Variants in HPSE2 observed in about 807,000 individuals in gnomAD.
The protein encoded by HPSE2 is inactive heparanase-2.
A neutral mutation model predicts 60.5 loss-of-function variants in HPSE2; 38 were observed. That is an observed-to-expected ratio of 0.63 (90% CI 0.48 to 0.82). HPSE2 has a LOEUF of 0.82. HPSE2 is among the 40% of genes least tolerant of loss of function. The pLI, the probability that HPSE2 is intolerant of heterozygous loss-of-function variation, is 0.00. For synonymous variants in HPSE2, 295 were observed against 293.2 expected (o/e 1.01, Z -0.06); for missense variants, 713 against 740.4 (o/e 0.96, Z 0.43).
intron 3 of HPSE2, among the ~76,000 whole-genome samples, chr10:98,789,617 G>A (rs1168832662): frequency 1.3e-5 from 2 of 152,178 alleles, no homozygotes; most frequent in Non-Finnish European, 2.9e-5. Flanking sequence ...GGGCTGTCTT[G>A]AGTAGGGCTG....
At chr10:99,132,216 AG>A (rs1845453432) in intron 3 of HPSE2, among the ~76,000 whole-genome samples, 19 of 29,318 alleles carry the variant, frequency 6.5e-4, no homozygotes, top group South Asian at 2.1e-3. Context: ...AGAGAGAGAG[AG>A]AGAGAGAGAG....
chr10:98,486,076 G>T (rs565379611), intron 10 of HPSE2, among the ~76,000 whole-genome samples: 5 of 152,176 alleles, frequency 3.3e-5, no homozygotes, highest in African/African-American at 1.2e-4. Context: ...AACTCATAGC[G>T]CCTTCTCAGG....
In HPSE2 at chr10:98,944,070, C is replaced by CAGAGAGGGAGCAGCTAGAG. The variant is rs1317289545; in HGVS notation, c.611-200033_611-200015dup. Among the ~76,000 whole-genome samples the CAGAGAGGGAGCAGCTAGAG allele has an allele frequency of 2.0e-5, 3 of 152,200 alleles. No individual in the cohort carries two copies. The East Asian group carries it at 5.8e-4, about 29-fold the overall frequency. The stretch of plus-strand genomic sequence containing the variant: ...GGGATAGGGTTGAGGACCAAAATCC[C>CAGAGAGGGAGCAGCTAGAG]AGAGAGGGAGCAGCTAGAGGTACAG... On this transcript the variant is annotated intron_variant, in intron 3 of 11. Transcript: ENST00000370552.
intron 3 of HPSE2, among the ~76,000 whole-genome samples, chr10:98,833,005 T>G (rs1951717641): frequency 6.6e-6 from 1 of 152,210 alleles, no homozygotes; most frequent in African/African-American, 2.4e-5. Context: ...TGTGTGTTCC[T>G]AAGTGGGATG....
At position 98,626,922 on chromosome 10, in the gene HPSE2, C is replaced by T. The variant is rs190011944; in HGVS notation, c.1099-6214G>A. On this transcript the variant is annotated intron_variant, in intron 7 of 11. Transcript: ENST00000370552. ...CTGAGTAGCTGAGACTACAGGTGCC[C>T]ACCACCACGCCCAGCTAATTTTTTG... Among the ~76,000 whole-genome samples, 339 of 152,194 alleles carry T rather than the reference C, an allele frequency of 2.2e-3. 5 individuals carry two copies. In the Middle Eastern group the frequency reaches 0.031, roughly 14 times the overall value.
At chr10:99,227,804 T>C (rs1018150029) in intron 2 of HPSE2, among the ~76,000 whole-genome samples, 2 of 149,472 alleles carry the variant, frequency 1.3e-5, no homozygotes, top group African/African-American at 2.4e-5. Flanking sequence ...AGGTAAAATA[T>C]ATATATATAT....
intron 2 of HPSE2, among the ~76,000 whole-genome samples, chr10:99,152,869 A>T (rs1459836984): frequency 2.6e-5 from 4 of 152,190 alleles, no homozygotes; most frequent in Non-Finnish European, 5.9e-5. Context: ...AGTGCCAGAC[A>T]GTGGGCGCGG....
chr10:99,204,232 A>G (rs915244625), intron 2 of HPSE2, among the ~76,000 whole-genome samples: 4 of 152,210 alleles, frequency 2.6e-5, no homozygotes, highest in African/African-American at 9.6e-5. Flanking sequence ...CCCAAACAAC[A>G]GACCCACCCC....
chr10:99,139,040 G>A (rs1326551701), intron 3 of HPSE2, among the ~76,000 whole-genome samples: 1 of 151,970 alleles, frequency 6.6e-6, no homozygotes, highest in Admixed American at 6.6e-5. Context: ...CCACCCTAAG[G>A]GCCCATCAAT....
At chr10:99,043,379 G>A (rs1232290792) in intron 3 of HPSE2, among the ~76,000 whole-genome samples, 2 of 152,172 alleles carry the variant, frequency 1.3e-5, no homozygotes, top group Non-Finnish European at 2.9e-5. Flanking sequence ...AGCTACTAGG[G>A]AGGCTGAGGC....
At chr10:98,755,446 C>T (rs1949855929) in intron 3 of HPSE2, among the ~76,000 whole-genome samples, 1 of 152,084 alleles carries the variant, frequency 6.6e-6, no homozygotes, top group African/African-American at 2.4e-5. Flanking sequence ...ACCACACTGA[C>T]AGTATTAGAT....
chr10:99,057,592 C>T (rs1180276143), intron 3 of HPSE2, among the ~76,000 whole-genome samples: 1 of 152,140 alleles, frequency 6.6e-6, no homozygotes, highest in African/African-American at 2.4e-5. Flanking sequence ...GACATTGCCA[C>T]CATAAGTTGG....
chr10:99,284,796 A>G, the HPSE2 span, among the ~76,000 whole-genome samples: 1 of 152,302 alleles, frequency 6.6e-6, no homozygotes, highest in South Asian at 2.1e-4. Context: ...ACTATTCACA[A>G]TAGCAAAGAC....
intron 9 of HPSE2, among the ~76,000 whole-genome samples, chr10:98,522,510 C>T (rs1027689594): frequency 2.6e-5 from 4 of 152,106 alleles, no homozygotes; most frequent in African/African-American, 9.7e-5. Context: ...GAATCTTGCT[C>T]TGTCACCAGG....
At chr10:98,735,989 A>G (rs536823099) in intron 4 of HPSE2, among the ~76,000 whole-genome samples, 2 of 151,988 alleles carry the variant, frequency 1.3e-5, no homozygotes, top group Non-Finnish European at 2.9e-5. Context: ...AAATGAGGAC[A>G]TGAGGTTTGG....
chr10:99,273,842 C>T, the HPSE2 span, among the ~76,000 whole-genome samples: 1 of 152,270 alleles, frequency 6.6e-6, no homozygotes, highest in South Asian at 2.1e-4. Context: ...AGGGATTGCC[C>T]TTTAACCATG....
At chr10:98,981,520 T>C (rs1185095151) in intron 3 of HPSE2, among the ~76,000 whole-genome samples, 3 of 152,152 alleles carry the variant, frequency 2.0e-5, no homozygotes, top group Non-Finnish European at 4.4e-5. Context: ...GTTGGCATGA[T>C]ATATGTTTAC....
chr10:98,638,289 C>CA (rs1278615560), intron 7 of HPSE2, among the ~76,000 whole-genome samples: 1 of 149,198 alleles, frequency 6.7e-6, no homozygotes, highest in African/African-American at 2.5e-5. Context: ...ACTAAAAATA[C>CA]AAAAAATCAG....
At chr10:98,685,158 T>C (rs1380358987) in intron 6 of HPSE2, among the ~76,000 whole-genome samples, 1 of 152,202 alleles carries the variant, frequency 6.6e-6, no homozygotes, top group Non-Finnish European at 1.5e-5. Flanking sequence ...TGATCCATTG[T>C]ATGTTTTGAG....
Sources: gnomAD v4.1 joint callset for allele counts (sites outside exome capture counted in the v4.1 genomes callset) on GRCh38, gnomAD v4.1.1 for gene constraint, MANE v1.5 for transcripts, NCBI Gene and HGNC (gene_info 2026-07-23, HGNC 2026-07-21) for gene names.